The following DLGAP4 variants were observed in gnomAD, a reference collection of about 807,000 sequenced individuals.
DLGAP4 encodes the protein DLG associated protein 4.
A neutral mutation model predicts 86.9 loss-of-function variants in DLGAP4; 18 were observed. That is an observed-to-expected ratio of 0.21 (90% CI 0.14 to 0.31). The LOEUF is 0.31. Among genes scored for constraint, DLGAP4 ranks in the 10% least tolerant of loss-of-function variants. DLGAP4 has a pLI of 1.00. For synonymous variants in DLGAP4, 548 were observed against 574.3 expected (o/e 0.95, Z 0.65); for missense variants, 1,085 against 1,362.6 (o/e 0.80, Z 3.21).
intron 12 of DLGAP4, 97 bp downstream of exon 12, chr20:36,526,103 C>T (rs765380618): frequency 1.3e-5 from 20 of 1,565,450 alleles, no homozygotes; most frequent in East Asian, 4.5e-5. Flanking sequence ...CTCCCTTCTC[C>T]GTGTGTCGTC....
intron 10 of DLGAP4, among the ~76,000 whole-genome samples, chr20:36,513,140 T>G (rs1380614745): frequency 1.3e-5 from 2 of 151,098 alleles, no homozygotes; most frequent in African/African-American, 4.9e-5. Flanking sequence ...CCCAGGCTGG[T>G]CTTGAACTCC....
intron 2 of DLGAP4, among the ~76,000 whole-genome samples, chr20:36,394,613 G>A (rs1465083721): frequency 5.3e-5 from 8 of 152,238 alleles, no homozygotes; most frequent in Middle Eastern, 6.8e-3. Context: ...TAATTCCAGC[G>A]GTGCTTCCCC....
Position 36,475,158 on chromosome 20 carries a change from G to A in DLGAP4, c.1649-21547G>A, listed in dbSNP as rs552378698. Among the ~76,000 whole-genome samples the A allele has an allele frequency of 3.9e-5, 6 of 152,140 alleles. No individual in the cohort carries two copies. The South Asian group carries it at 6.2e-4, about 16-fold the overall frequency. ...GGTCAGGCAGGACCCTGGGGGTCTC[G>A]GTGAACCTAAAGAGGTGTGATAATG... On this transcript the variant is annotated intron_variant, in intron 7 of 12. Coordinates refer to ENST00000339266, the MANE Select transcript of DLGAP4 (RefSeq NM_001365621.2).
chr20:36,454,747 G>C (rs533259665), intron 7 of DLGAP4, among the ~76,000 whole-genome samples: 1 of 152,328 alleles, frequency 6.6e-6, no homozygotes, highest in African/African-American at 2.4e-5. Context: ...TCCTGTGCAG[G>C]CCGGTGGGTT....
At chr20:36,369,012 T>C (rs992104188) in intron 2 of DLGAP4, among the ~76,000 whole-genome samples, 3 of 152,174 alleles carry the variant, frequency 2.0e-5, no homozygotes, top group African/African-American at 7.2e-5. Flanking sequence ...CCCTGGCGTG[T>C]GTGGCCCAGT....
At chr20:36,505,577 C>A (rs897378794) in intron 10 of DLGAP4, among the ~76,000 whole-genome samples, 2 of 152,050 alleles carry the variant, frequency 1.3e-5, no homozygotes, top group African/African-American at 2.4e-5. Flanking sequence ...GAGTTCAAGA[C>A]CAGCCTGGTC....
chr20:36,319,128 C>G (rs1441486309), intron 1 of DLGAP4, among the ~76,000 whole-genome samples: 1 of 148,734 alleles, frequency 6.7e-6, no homozygotes, highest in East Asian at 2.0e-4. Context: ...GGCAACAGAG[C>G]GAGACTCCAT....
intron 7 of DLGAP4, among the ~76,000 whole-genome samples, chr20:36,493,560 A>G (rs1033612731): frequency 2.0e-5 from 3 of 152,144 alleles, no homozygotes; most frequent in Non-Finnish European, 2.9e-5. Context: ...CTACTCCCAC[A>G]GTCAGATTTT....
At chr20:36,458,475 C>T (rs1419438190) in intron 7 of DLGAP4, among the ~76,000 whole-genome samples, 1 of 150,264 alleles carries the variant, frequency 6.7e-6, no homozygotes, top group Non-Finnish European at 1.5e-5. Flanking sequence ...GATCCACCCG[C>T]CTCAGCCTCC....
intron 2 of DLGAP4, among the ~76,000 whole-genome samples, chr20:36,428,047 T>C (rs576760041): frequency 6.6e-6 from 1 of 152,270 alleles, no homozygotes; most frequent in South Asian, 2.1e-4. Flanking sequence ...TGTGACACAT[T>C]TATTAGAGTA....
Position 36,496,716 on chromosome 20 carries a change from C to G in DLGAP4, c.1660C>G (p.Leu554Val). Residue 554 changes from leucine to valine, a missense_variant, in exon 8 of 13, where the codon CTA becomes GTA. Coordinates refer to ENST00000339266, the MANE Select transcript of DLGAP4 (RefSeq NM_001365621.2). The part of the protein sequence containing the change: ...NSRTLPSSSC[L>V]VAYKKTPPPV... ...TCATCCATCTGCAGGTTCATCATGC[C>G]TAGTGGCGTATAAGAAGACCCCGCC... is the stretch of plus-strand genomic sequence containing the variant. The G allele has an allele frequency of 6.2e-7, 1 of 1,605,450 alleles. No homozygotes were observed. Among genetic ancestry groups the G allele is most frequent in the African/African-American group, 1.3e-5 (1 of 74,890 alleles).
intron 2 of DLGAP4, among the ~76,000 whole-genome samples, chr20:36,422,078 G>A (rs187975775): frequency 6.6e-6 from 1 of 152,222 alleles, no homozygotes; most frequent in African/African-American, 2.4e-5. Context: ...CAAAGACACA[G>A]CCATGGCGCA....
intron 2 of DLGAP4, among the ~76,000 whole-genome samples, chr20:36,420,423 A>G (rs1009880265): frequency 6.6e-6 from 1 of 152,198 alleles, no homozygotes; most frequent in Non-Finnish European, 1.5e-5. Context: ...ACAGGAGGGA[A>G]GAGCACTCCA....
chr20:36,372,385 A>C (rs2030976362), intron 2 of DLGAP4, among the ~76,000 whole-genome samples: 2 of 152,158 alleles, frequency 1.3e-5, no homozygotes, highest in South Asian at 4.1e-4. Context: ...GCACAAGGCC[A>C]GCTGGACCTC....
intron 1 of DLGAP4, among the ~76,000 whole-genome samples, chr20:36,310,406 C>G (rs1036361334): frequency 2.0e-5 from 3 of 152,040 alleles, no homozygotes; most frequent in Non-Finnish European, 4.4e-5. Flanking sequence ...TCGGCATCCA[C>G]TCTTCTAGGA....
At chr20:36,504,509 T>G (rs2036278630) in intron 10 of DLGAP4, among the ~76,000 whole-genome samples, 1 of 152,200 alleles carries the variant, frequency 6.6e-6, no homozygotes, top group South Asian at 2.1e-4. Flanking sequence ...TTTAATTCTT[T>G]GGGGAGTGAA....
At chr20:36,476,703 T>TTTG (rs36103578) in intron 7 of DLGAP4, among the ~76,000 whole-genome samples, 3 of 111,350 alleles carry the variant, frequency 2.7e-5, no homozygotes, top group Admixed American at 8.8e-5. Context: ...TTTTTTTTTT[T>TTTG]GGTTTTTTTT....
intron 1 of DLGAP4, among the ~76,000 whole-genome samples, chr20:36,316,527 C>G (rs2065101685): frequency 1.3e-5 from 2 of 152,306 alleles, no homozygotes; most frequent in Admixed American, 6.5e-5. Context: ...TTCCCAACCA[C>G]ATGGGTCACC....
At chr20:36,490,800 CTTGAGG>C (rs1464867734) in intron 7 of DLGAP4, among the ~76,000 whole-genome samples, 2 of 152,222 alleles carry the variant, frequency 1.3e-5, no homozygotes, top group Non-Finnish European at 2.9e-5. Context: ...GGGCTAGCTT[CTTGAGG>C]TTGCTGTGTC....
Sources: allele counts gnomAD v4.1 joint callset (sites outside exome capture counted in the v4.1 genomes callset), GRCh38; gene constraint gnomAD v4.1.1; transcripts MANE v1.5; gene names NCBI Gene and HGNC (gene_info 2026-07-23, HGNC 2026-07-21).